Variants in PARG observed in about 807,000 individuals in gnomAD.
PARG encodes poly(ADP-ribose) glycohydrolase.
In PARG, 35 loss-of-function variants were observed where a neutral mutation model predicts 113.0. The ratio of observed to expected loss-of-function variants is 0.31; its 90% CI spans 0.24 to 0.41. PARG has a LOEUF of 0.41. Among genes scored for constraint, PARG ranks in the 10% least tolerant of loss-of-function variants. PARG has a pLI of 1.00. For missense variants in PARG, 797 were observed against 1,169.4 expected (o/e 0.68, Z 4.64); for synonymous variants, 330 against 409.9 (o/e 0.81, Z 2.36).
intron 11 of PARG, among the ~76,000 whole-genome samples, chr10:49,863,112 A>AC (rs1564620132): frequency 6.7e-6 from 1 of 150,142 alleles, no homozygotes; most frequent in African/African-American, 2.5e-5. Context: ...CATCCTCTAC[A>AC]CCCCCGCCCC....
chr10:49,903,560 C>T (rs1848437742), intron 7 of PARG, among the ~76,000 whole-genome samples: 1 of 152,078 alleles, frequency 6.6e-6, no homozygotes, highest in African/African-American at 2.4e-5. Flanking sequence ...AATATTCAGA[C>T]ATTTCGTGGC....
intron 4 of PARG, among the ~76,000 whole-genome samples, chr10:49,928,650 A>T (rs1838336926): frequency 6.6e-6 from 1 of 152,194 alleles, no homozygotes; most frequent in Non-Finnish European, 1.5e-5. Flanking sequence ...GACTACAGGC[A>T]TGTGCCACCA....
chr10:49,846,460 T>G (rs1474799237), intron 13 of PARG, among the ~76,000 whole-genome samples: 4 of 151,898 alleles, frequency 2.6e-5, no homozygotes, highest in African/African-American at 9.7e-5. Flanking sequence ...CACTTAACAT[T>G]GTATACTTCA....
chr10:49,920,479 T>A (rs1363536065), intron 6 of PARG, among the ~76,000 whole-genome samples: 27 of 98,176 alleles, frequency 2.8e-4, no homozygotes, highest in African/African-American at 7.1e-4. Flanking sequence ...TATATATATA[T>A]ATATATATAT....
At chr10:49,941,442 G>A in intron 1 of PARG, 67 bp downstream of exon 1, 1 of 1,177,598 alleles carries the variant, frequency 8.5e-7, no homozygotes, top group Non-Finnish European at 1.2e-6. Context: ...GAGCCCCTGG[G>A]TCCTCAGACT....
At chr10:49,846,372 TG>T (rs1423207662) in intron 13 of PARG, among the ~76,000 whole-genome samples, 3 of 113,616 alleles carry the variant, frequency 2.6e-5, no homozygotes, top group South Asian at 2.9e-4. Context: ...GTGATAGACA[TG>T]TTTTTTTTTT....
rs1837564539 is a variant in PARG, at chr10:49,917,553, T to C, written c.1663-1562A>G. Among the ~76,000 whole-genome samples, 3 of 147,972 alleles carry C rather than the reference T, an allele frequency of 2.0e-5. No individual in the cohort carries two copies. In the South Asian group the frequency reaches 6.5e-4, roughly 32 times the overall value. Reference sequence around the variant, plus strand: ...AAGAGATTTTGGCCTGTACGGTGGCTCACACCTGTAATCATAGCACACTCC... The same window carrying C: ...AAGAGATTTTGGCCTGTACGGTGGCCCACACCTGTAATCATAGCACACTCC... On this transcript the variant is annotated intron_variant, in intron 6 of 17. Transcript: ENST00000616448.
intron 10 of PARG, among the ~76,000 whole-genome samples, chr10:49,866,435 T>C (rs1554836919): frequency 6.6e-6 from 1 of 152,034 alleles, no homozygotes; most frequent in African/African-American, 2.4e-5. Flanking sequence ...CAAATTTTTT[T>C]GTTAAGATGG....
intron 15 of PARG, among the ~76,000 whole-genome samples, chr10:49,840,024 A>G (rs1554831941): frequency 2.0e-5 from 3 of 152,226 alleles, no homozygotes. Flanking sequence ...ACTGGGGACA[A>G]TTGCTTTAAG....
At chr10:49,929,039 A>T (rs1453230686) in intron 4 of PARG, among the ~76,000 whole-genome samples, 3 of 152,342 alleles carry the variant, frequency 2.0e-5, no homozygotes, top group African/African-American at 7.2e-5. Context: ...ATAGTCTTGC[A>T]TTGCTGTTGT....
intron 7 of PARG, among the ~76,000 whole-genome samples, chr10:49,895,140 T>C (rs1484140058): frequency 6.6e-6 from 1 of 152,176 alleles, no homozygotes; most frequent in Non-Finnish European, 1.5e-5. Flanking sequence ...TATTTCCAGA[T>C]AAAGCCACAT....
intron 6 of PARG, among the ~76,000 whole-genome samples, chr10:49,922,090 G>A (rs1191038925): frequency 1.3e-5 from 2 of 152,134 alleles, no homozygotes; most frequent in African/African-American, 4.8e-5. Context: ...ATTGGATGGG[G>A]AATCAAGAAA....
intron 1 of PARG, among the ~76,000 whole-genome samples, chr10:49,937,559 C>CT (rs1838814544): frequency 1.3e-5 from 2 of 151,904 alleles, no homozygotes; most frequent in Non-Finnish European, 2.9e-5. Context: ...GTTAAAACAT[C>CT]TTTTTTCCAT....
At chr10:49,929,644 A>G (rs1207752254) in intron 4 of PARG, among the ~76,000 whole-genome samples, 1 of 152,170 alleles carries the variant, frequency 6.6e-6, no homozygotes, top group Admixed American at 6.5e-5. Context: ...CCTGACCAAC[A>G]TGGAGAAACC....
chr10:49,829,128 C>T (rs373738948), intron 16 of PARG, among the ~76,000 whole-genome samples: 2 of 151,526 alleles, frequency 1.3e-5, no homozygotes, highest in African/African-American at 2.4e-5. Context: ...CCCAGCCACT[C>T]GGGAGGCTGA....
intron 15 of PARG, among the ~76,000 whole-genome samples, chr10:49,841,463 A>T (rs1373501303): frequency 6.6e-6 from 1 of 152,208 alleles, no homozygotes; most frequent in Non-Finnish European, 1.5e-5. Context: ...TGTAATAAAA[A>T]AGAAAAAAAT....
At chr10:49,887,205 G>A (rs1554840591) in intron 7 of PARG, among the ~76,000 whole-genome samples, 1 of 151,806 alleles carries the variant, frequency 6.6e-6, no homozygotes, top group East Asian at 1.9e-4. Flanking sequence ...AGGCCTTTTT[G>A]CTTTTTAAAA....
chr10:49,916,017 A>C, intron 6 of PARG, 26 bp from the exon 7 acceptor site: 2 of 1,298,850 alleles, frequency 1.5e-6, no homozygotes, highest in Non-Finnish European at 2.2e-6. Flanking sequence ...AAACAAAAAA[A>C]CGTCATGGTA....
intron 7 of PARG, among the ~76,000 whole-genome samples, chr10:49,888,156 C>T (rs1847588555): frequency 6.6e-6 from 1 of 151,966 alleles, no homozygotes; most frequent in South Asian, 2.1e-4. Flanking sequence ...CTTTAAATTC[C>T]TTTACCCTTC....
Sources: gnomAD v4.1 joint callset for allele counts (sites outside exome capture counted in the v4.1 genomes callset) on GRCh38, gnomAD v4.1.1 for gene constraint, MANE v1.5 for transcripts, NCBI Gene and HGNC (gene_info 2026-07-23, HGNC 2026-07-21) for gene names.